The following FER variants were observed in gnomAD, a reference collection of about 807,000 sequenced individuals.
FER encodes FER tyrosine kinase.
FER carries 63 observed loss-of-function variants against 111.0 expected under a neutral mutation model. The ratio of observed to expected loss-of-function variants is 0.57; its 90% CI spans 0.46 to 0.70. FER has a LOEUF of 0.70. Ranked by LOEUF, FER falls within the 30% of genes least tolerant of loss-of-function variation. The pLI, the probability that FER is intolerant of heterozygous loss-of-function variation, is 0.00. For synonymous variants in FER, 327 were observed against 313.9 expected, an observed-to-expected ratio of 1.04 and a Z score of -0.44; for missense variants, 914 against 954.0, an observed-to-expected ratio of 0.96 and a Z score of 0.55.
intron 17 of FER, among the ~76,000 whole-genome samples, chr5:109,118,943 GAAAA>G (rs1321264949): frequency 7.1e-6 from 1 of 140,140 alleles, no homozygotes; most frequent in Admixed American, 7.1e-5. Flanking sequence ...TTGATCTTTT[GAAAA>G]AAAAAAACCA....
intron 1 of FER, among the ~76,000 whole-genome samples, chr5:108,751,614 T>G (rs1393603825): frequency 6.6e-6 from 1 of 152,212 alleles, no homozygotes; most frequent in East Asian, 1.9e-4. Context: ...CTTGATAAAT[T>G]GGGTCAATCT....
At chr5:109,056,785 T>C in intron 16 of FER, among the ~76,000 whole-genome samples, 1 of 152,312 alleles carries the variant, frequency 6.6e-6, no homozygotes, top group South Asian at 2.1e-4. Flanking sequence ...TTCACTATAA[T>C]ATTCTTTTTA....
chr5:109,103,813 C>G (rs190100724), intron 17 of FER, among the ~76,000 whole-genome samples: 113 of 152,248 alleles, frequency 7.4e-4, no homozygotes, highest in Middle Eastern at 6.8e-3. Flanking sequence ...TAAGGGGAGT[C>G]AGGATTGACA....
At chr5:108,965,883 C>T (rs112011932) in intron 13 of FER, among the ~76,000 whole-genome samples, 7 of 152,154 alleles carry the variant, frequency 4.6e-5, no homozygotes, top group Non-Finnish European at 1.0e-4. Flanking sequence ...ACTATATAGT[C>T]ACTACTTAGT....
intron 5 of FER, among the ~76,000 whole-genome samples, chr5:108,850,025 A>C (rs1009892031): frequency 6.6e-6 from 1 of 152,056 alleles, no homozygotes; most frequent in African/African-American, 2.4e-5. Context: ...CCCCGTCTCT[A>C]CTAAAAAATG....
intron 17 of FER, among the ~76,000 whole-genome samples, chr5:109,136,116 C>G (rs576399873): frequency 1.3e-5 from 2 of 151,796 alleles, no homozygotes; most frequent in African/African-American, 2.4e-5. Flanking sequence ...AGTAGTCGAG[C>G]GTAGTGGCAC....
At chr5:109,098,529 C>T (rs573427656) in intron 16 of FER, among the ~76,000 whole-genome samples, 34 of 151,690 alleles carry the variant, frequency 2.2e-4, no homozygotes, top group African/African-American at 7.5e-4. Context: ...GAAGGGTACA[C>T]GTTTTCTAAA....
chr5:108,950,619 C>G (rs1007095741), intron 11 of FER, among the ~76,000 whole-genome samples: 42 of 152,138 alleles, frequency 2.8e-4, no homozygotes, highest in South Asian at 8.3e-4. Flanking sequence ...TTCGGAATAT[C>G]TTATTTTTCA....
rs1266199975 is a variant in FER, at chr5:109,188,395, A to G, written c.*820A>G. On this transcript the variant is annotated 3_prime_UTR_variant, in exon 20 of 20. Coordinates refer to ENST00000281092, the MANE Select transcript of FER (RefSeq NM_005246.4). ...TGAAACCCTGTCTCTACCAAAAAAA[A>G]AAAAAGAAACACACACACAACGCAT... 1 of 149,216 alleles carries G rather than the reference A, an allele frequency of 6.7e-6. No individual in the cohort carries two copies. Among genetic ancestry groups the G allele is most frequent in the Non-Finnish European group, 1.5e-5 (1 of 67,148 alleles). The allele number at this position is 149,216 out of a possible 1,614,324, so 9.2% of individuals were successfully genotyped here.
rs368242135 is a variant in FER, at chr5:108,883,411, G to A, written c.939G>A (p.Ala313=). Residue 313 remains alanine (A), a synonymous_variant, in exon 9 of 20, where the codon GCG becomes GCA. Transcript: ENST00000281092. The part of the protein sequence containing the change: ...ESLQVMLKTL[A]EELMQTQQML... The stretch of plus-strand genomic sequence containing the variant: ...TTTATTCTAGGTTGAAAACGTTAGC[G>A]GAAGAACTTATGCAAACACAGCAGA... 37 of 1,605,310 alleles carry A rather than the reference G, an allele frequency of 2.3e-5. 2 individuals are homozygous for A. Among genetic ancestry groups the A allele is most frequent in the Admixed American group, 1.7e-4 (10 of 59,118 alleles).
chr5:108,811,624 A>G (rs1353921560), intron 3 of FER, among the ~76,000 whole-genome samples: 1 of 152,172 alleles, frequency 6.6e-6, no homozygotes. Context: ...AACAGAACCA[A>G]TAGGAGATAT....
intron 17 of FER, among the ~76,000 whole-genome samples, chr5:109,126,614 G>A (rs1751764127): frequency 1.3e-5 from 2 of 152,150 alleles, no homozygotes; most frequent in Admixed American, 6.5e-5. Context: ...ACAGTGAATA[G>A]AGACAAGCCT....
chr5:109,181,427 C>T (rs977310530), intron 18 of FER, among the ~76,000 whole-genome samples: 2 of 151,518 alleles, frequency 1.3e-5, no homozygotes, highest in East Asian at 1.9e-4. Flanking sequence ...AATTTTTATG[C>T]GTCATTGTAA....
chr5:108,908,326 C>T (rs1053840802), intron 10 of FER, among the ~76,000 whole-genome samples: 4 of 151,900 alleles, frequency 2.6e-5, no homozygotes, highest in East Asian at 1.9e-4. Context: ...ATTGCTATAA[C>T]GAAATAATAG....
chr5:109,073,928 G>A (rs941832446), intron 16 of FER, among the ~76,000 whole-genome samples: 1 of 152,016 alleles, frequency 6.6e-6, no homozygotes. Context: ...TGTTTACTTG[G>A]ATAAAGCTTT....
chr5:109,174,745 T>C (rs1042396042), intron 17 of FER, among the ~76,000 whole-genome samples: 1 of 152,228 alleles, frequency 6.6e-6, no homozygotes, highest in East Asian at 1.9e-4. Context: ...AGGTCATCCA[T>C]TTTGGCTCTT....
intron 10 of FER, among the ~76,000 whole-genome samples, chr5:108,942,448 C>T (rs1442275852): frequency 6.6e-6 from 1 of 151,982 alleles, no homozygotes; most frequent in East Asian, 1.9e-4. Flanking sequence ...GGTTTTCTTT[C>T]TTTTAATAAA....
At chr5:109,021,714 T>C (rs1356961992) in intron 13 of FER, among the ~76,000 whole-genome samples, 1 of 152,132 alleles carries the variant, frequency 6.6e-6, no homozygotes, top group Non-Finnish European at 1.5e-5. Flanking sequence ...GTATGTCTTC[T>C]ATGAATAAGA....
At chr5:109,135,609 T>TG (rs1002791261) in intron 17 of FER, among the ~76,000 whole-genome samples, 1 of 152,148 alleles carries the variant, frequency 6.6e-6, no homozygotes, top group African/African-American at 2.4e-5. Context: ...ACAAGACTTT[T>TG]GGGGGCAATA....
Sources: allele counts gnomAD v4.1 joint callset (sites outside exome capture counted in the v4.1 genomes callset), GRCh38; gene constraint gnomAD v4.1.1; transcripts MANE v1.5; gene names NCBI Gene and HGNC (gene_info 2026-07-23, HGNC 2026-07-21).